The following INO80 variants were observed in gnomAD, a reference collection of about 807,000 sequenced individuals.
INO80 encodes chromatin-remodeling ATPase INO80.
A neutral mutation model predicts 203.4 loss-of-function variants in INO80; 20 were observed. The observed-to-expected ratio is 0.10, with a 90% CI of 0.07 to 0.14. The LOEUF is 0.14. Ranked by LOEUF, INO80 falls within the 10% of genes least tolerant of loss-of-function variation. INO80 has a pLI of 1.00. For missense variants in INO80, 1,419 were observed against 1,914.4 expected, an observed-to-expected ratio of 0.74 and a Z score of 4.83; for synonymous variants, 726 against 685.2, an observed-to-expected ratio of 1.06 and a Z score of -0.93.
At chr15:41,053,530 G>T (rs2044923300) in intron 19 of INO80, among the ~76,000 whole-genome samples, 1 of 152,170 alleles carries the variant, frequency 6.6e-6, no homozygotes, top group South Asian at 2.1e-4. Context: ...ATGGCATGTG[G>T]TTAGGCAGTG....
chr15:41,088,445 A>G (rs1049445078), intron 5 of INO80, among the ~76,000 whole-genome samples: 2 of 152,056 alleles, frequency 1.3e-5, no homozygotes, highest in African/African-American at 4.8e-5. Context: ...TCTGCTTCAA[A>G]TAGTCACCAG....
chr15:41,115,274 A>C (rs2046014349), intron 1 of INO80, among the ~76,000 whole-genome samples: 1 of 152,228 alleles, frequency 6.6e-6, no homozygotes, highest in African/African-American at 2.4e-5. Context: ...AGGTTCTGTC[A>C]TTCCTAAACT....
chr15:41,092,314 A>G (rs940485171), intron 4 of INO80, 132 bp from the exon 5 acceptor site: 7 of 567,708 alleles, frequency 1.2e-5, no homozygotes, highest in African/African-American at 1.1e-4. Flanking sequence ...CCCTTATGAC[A>G]TGCTTTATAA....
chr15:40,991,742 G>A (rs950530529), intron 29 of INO80, among the ~76,000 whole-genome samples: 1 of 151,928 alleles, frequency 6.6e-6, no homozygotes. Context: ...GAGTTTCAGG[G>A]GATGAGAGAA....
chr15:41,079,517 C>T (rs2045453146), intron 9 of INO80, among the ~76,000 whole-genome samples, 184 bp downstream of exon 9: 1 of 150,112 alleles, frequency 6.7e-6, no homozygotes, highest in African/African-American at 2.5e-5. Context: ...AGGCGGATCA[C>T]TCGAAGCTCA....
rs765180582 is a variant in INO80, at chr15:40,979,006, G to A, written c.*1217C>T. 6.6e-6 allele frequency: 1 copy of A among 152,582 alleles called. No individual in the cohort carries two copies. The highest frequency in any genetic ancestry group is 1.5e-5 in the Non-Finnish European group (1 of 68,022). 9.5% of individuals were successfully genotyped at this position (152,582 alleles called of 1,614,324 possible). A position where few individuals can be genotyped will look rare whatever the true frequency, so the allele number is the denominator to read the frequency against. On this transcript the variant is annotated 3_prime_UTR_variant, in exon 36 of 36. Transcript: ENST00000648947. ...AAAAATAGCACATTCAAAGAGAAAAGGCTTGGCATTTTTCTGATTCCCTCT... is the reference window on the plus strand; with the variant it reads ...AAAAATAGCACATTCAAAGAGAAAAAGCTTGGCATTTTTCTGATTCCCTCT...
At chr15:41,036,648 TTATTAA>T (rs1255662170) in intron 24 of INO80, among the ~76,000 whole-genome samples, 1 of 152,218 alleles carries the variant, frequency 6.6e-6, no homozygotes, top group African/African-American at 2.4e-5. Context: ...ACCAATATTG[TTATTAA>T]TATTAATACT....
intron 28 of INO80, among the ~76,000 whole-genome samples, chr15:41,002,387 A>C (rs1351284450): frequency 6.6e-6 from 1 of 151,536 alleles, no homozygotes; most frequent in Non-Finnish European, 1.5e-5. Context: ...TCTGCTTCCC[A>C]AGTTAAGTAA....
At chr15:41,071,557 T>A (rs1596309061) in intron 12 of INO80, among the ~76,000 whole-genome samples, 1 of 150,020 alleles carries the variant, frequency 6.7e-6, no homozygotes, top group Non-Finnish European at 1.5e-5. Flanking sequence ...CAGATTCAAA[T>A]GATTCTCCTG....
intron 5 of INO80, among the ~76,000 whole-genome samples, chr15:41,091,802 C>G (rs2045648671): frequency 2.0e-5 from 3 of 151,608 alleles, no homozygotes; most frequent in Admixed American, 2.0e-4. Context: ...TACAGGCGCA[C>G]GCCACCACAC....
chr15:41,027,600 G>A lies in INO80; in HGVS notation c.3044C>T (p.Pro1015Leu). 1 of 1,608,664 alleles carries A rather than the reference G, an allele frequency of 6.2e-7. No individual in the cohort carries two copies. Among genetic ancestry groups the A allele is most frequent in the Non-Finnish European group, 8.5e-7 (1 of 1,177,536 alleles). ...CTTCCCTCCTGGAGCACTTACTCGT[G>A]GACTGGCCACACACAAAAAAGATGG... ...ELPSFLCVAS[P>L]RVTAVPLDSY... is the part of the protein sequence containing the mutation. Residue 1015 changes from proline (P) to leucine (L), a missense_variant, in exon 25 of 36, where the codon CCA (proline) becomes CTA (leucine). This residue lies in a region of INO80 where 302 missense variants were observed against 345.4 expected (regional missense o/e 0.87). Transcript: ENST00000648947.
intron 29 of INO80, among the ~76,000 whole-genome samples, chr15:40,991,373 A>G (rs113740361): frequency 2.8e-4 from 43 of 152,292 alleles, no homozygotes; most frequent in African/African-American, 1.0e-3. Flanking sequence ...ACCAAGGCAG[A>G]TGTATGGTTA....
At chr15:41,107,709 A>G (rs140375729) in intron 1 of INO80, among the ~76,000 whole-genome samples, 444 of 152,278 alleles carry the variant, frequency 2.9e-3, no homozygotes, top group African/African-American at 9.9e-3. Flanking sequence ...CTAAGACAGG[A>G]GAATTGCTTG....
chr15:41,107,438 T>C (rs1469411207), intron 1 of INO80, among the ~76,000 whole-genome samples: 1 of 152,026 alleles, frequency 6.6e-6, no homozygotes, highest in Non-Finnish European at 1.5e-5. Flanking sequence ...GAGATGAAGG[T>C]TGCAGTGAGC....
intron 24 of INO80, among the ~76,000 whole-genome samples, chr15:41,035,821 CAAAAAAAAAA>C (rs71104768): frequency 5.5e-4 from 11 of 20,150 alleles, no homozygotes; most frequent in East Asian, 3.6e-3. Flanking sequence ...GACTCTGTCT[CAAAAAAAAAA>C]AAAAAAAAAA....
At chr15:41,002,842 C>T (rs1188853661) in intron 28 of INO80, among the ~76,000 whole-genome samples, 1 of 152,208 alleles carries the variant, frequency 6.6e-6, no homozygotes, top group Admixed American at 6.5e-5. Flanking sequence ...CGGTGGCTCA[C>T]GCCTGTAATC....
At chr15:41,107,655 C>T (rs1658798772) in intron 1 of INO80, among the ~76,000 whole-genome samples, 2 of 151,798 alleles carry the variant, frequency 1.3e-5, no homozygotes, top group African/African-American at 4.8e-5. Flanking sequence ...TAAAAATTAG[C>T]TGGGTGTCCT....
At chr15:41,047,534 G>A (rs2044790384) in intron 22 of INO80, 33 bp from the exon 23 acceptor site, 2 of 1,438,518 alleles carry the variant, frequency 1.4e-6, no homozygotes, top group African/African-American at 1.4e-5. Flanking sequence ...AAACCCAACA[G>A]CAAACCAAGA....
At chr15:41,040,374 T>G (rs2044648265) in intron 24 of INO80, among the ~76,000 whole-genome samples, 2 of 152,134 alleles carry the variant, frequency 1.3e-5, no homozygotes, top group African/African-American at 4.8e-5. Flanking sequence ...GGTTCAAGGA[T>G]AGTCAAATGG....
Sources: allele counts gnomAD v4.1 joint callset (sites outside exome capture counted in the v4.1 genomes callset), GRCh38; gene constraint gnomAD v4.1.1; regional missense constraint gnomAD v4.1.1; transcripts MANE v1.5; gene names NCBI Gene and HGNC (gene_info 2026-07-23, HGNC 2026-07-21).